Variants in UBE2E1 observed in about 807,000 individuals in gnomAD.
UBE2E1 encodes the protein ubiquitin-conjugating enzyme E2 E1.
UBE2E1 carries 6 observed loss-of-function variants against 21.4 expected under a neutral mutation model. The observed-to-expected ratio is 0.28, with a 90% CI of 0.15 to 0.55. The LOEUF (loss-of-function observed/expected upper bound fraction) is 0.55, where lower values mean the gene tolerates loss of function less well. Among genes scored for constraint, UBE2E1 ranks in the 20% least tolerant of loss-of-function variants. The pLI, the probability that UBE2E1 is intolerant of heterozygous loss-of-function variation, is 0.93. For synonymous variants in UBE2E1, 87 were observed against 82.7 expected (o/e 1.05, Z -0.28); for missense variants, 142 against 236.5 (o/e 0.60, Z 2.62).
chr3:23,838,940 TTTTG>T (rs758573782), intron 3 of UBE2E1, among the ~76,000 whole-genome samples: 5 of 151,982 alleles, frequency 3.3e-5, no homozygotes, highest in Non-Finnish European at 7.4e-5. Context: ...CTATAACTTT[TTTTG>T]TTTGTTTTTT....
At chr3:23,864,943 G>C (rs760988461) in intron 3 of UBE2E1, among the ~76,000 whole-genome samples, 4 of 152,328 alleles carry the variant, frequency 2.6e-5, no homozygotes, top group Non-Finnish European at 2.9e-5. Flanking sequence ...CCATGTTAAT[G>C]ACCACTGGTG....
At chr3:23,862,188 A>G (rs879491681) in intron 3 of UBE2E1, among the ~76,000 whole-genome samples, 1 of 152,100 alleles carries the variant, frequency 6.6e-6, no homozygotes, top group Non-Finnish European at 1.5e-5. Context: ...TTCCCATTTC[A>G]CTGCTGTGAC....
intron 3 of UBE2E1, among the ~76,000 whole-genome samples, chr3:23,862,688 G>A (rs900038793): frequency 6.6e-6 from 1 of 152,078 alleles, no homozygotes; most frequent in Non-Finnish European, 1.5e-5. Context: ...ATGGTTATAG[G>A]TTGTAAGATA....
At chr3:23,857,800 C>T (rs1296072038) in intron 3 of UBE2E1, among the ~76,000 whole-genome samples, 1 of 152,172 alleles carries the variant, frequency 6.6e-6, no homozygotes, top group African/African-American at 2.4e-5. Flanking sequence ...GTCTGAGTGA[C>T]AGAGGTGCCA....
chr3:23,837,965 G>T (rs1219226649), intron 3 of UBE2E1, among the ~76,000 whole-genome samples: 1 of 152,118 alleles, frequency 6.6e-6, no homozygotes, highest in Non-Finnish European at 1.5e-5. Flanking sequence ...TACTTTTAAG[G>T]CTCTGCAAAG....
rs751969832 is a variant in UBE2E1, at chr3:23,807,376, T to C, written c.107T>C (p.Val36Ala). 2 of 1,613,226 alleles carry C rather than the reference T, an allele frequency of 1.2e-6. No individual in the cohort carries two copies. Among genetic ancestry groups the C allele is most frequent in the Admixed American group, 1.7e-5 (1 of 59,918 alleles). ...ACCCCCAAGAAGAAGGAGAGTAAAGTCAGCATGAGCAAAAACTCCAAACTC... is the reference window on the plus strand; with the variant it reads ...ACCCCCAAGAAGAAGGAGAGTAAAGCCAGCATGAGCAAAAACTCCAAACTC... ...TNTPKKKESK[V>A]SMSKNSKLLS... is the part of the protein sequence containing the mutation. Residue 36 changes from valine (V) to alanine (A), a missense_variant, in exon 2 of 6, where the codon GTC becomes GCC. Physicochemically the swap from Val to Ala is moderately conservative, Grantham distance 64. Coordinates refer to ENST00000306627, the MANE Select transcript of UBE2E1 (RefSeq NM_003341.5).
chr3:23,810,486 T>A lies in UBE2E1; in HGVS notation c.153-974T>A, dbSNP rs769767876. On this transcript the variant is annotated intron_variant, in intron 2 of 5. Transcript: ENST00000306627. The surrounding 1 kb of genome is among the most constrained non-coding windows in gnomAD (Gnocchi z 5.8). ...GCTAGAGAGCGGACCATGAAGGAAG[T>A]GGGCAGACCCCGGGAAGTTAGAGGA... 1.3e-6 allele frequency: 2 copies of A among 1,535,342 alleles called. No homozygotes were observed. Among genetic ancestry groups the A allele is most frequent in the South Asian group, 1.2e-5 (1 of 84,050 alleles).
intron 3 of UBE2E1, among the ~76,000 whole-genome samples, chr3:23,829,241 G>A (rs1699817076): frequency 2.0e-5 from 3 of 149,876 alleles, no homozygotes; most frequent in Admixed American, 2.0e-4. Context: ...GCTCACTGCA[G>A]CCTTGAACTC....
intron 3 of UBE2E1, among the ~76,000 whole-genome samples, chr3:23,861,667 C>T (rs539780709): frequency 6.6e-5 from 10 of 152,308 alleles, no homozygotes; most frequent in South Asian, 2.1e-4. Flanking sequence ...GGATGGACGT[C>T]GAGAGGAATG....
rs141205899 is a variant in UBE2E1 at position 23,853,647 on chromosome 3, G to A, written c.204-33920G>A. ...GCATATAGGAGAGTTGGAGGGGAGAGGAGACACTTGTCCCTCTTAACTTGT... is the reference window on the plus strand; with the variant it reads ...GCATATAGGAGAGTTGGAGGGGAGAAGAGACACTTGTCCCTCTTAACTTGT... On this transcript the variant is annotated intron_variant, in intron 3 of 5. Transcript: ENST00000306627. The surrounding 1 kb of genome is among the most constrained non-coding windows in gnomAD (Gnocchi z 4.1). 0.013 allele frequency among the ~76,000 whole-genome samples: 2,023 copies of A among 152,186 alleles called. 22 individuals are homozygous for A. Among genetic ancestry groups the A allele is most frequent in the South Asian group, 0.052 (249 of 4,820 alleles).
chr3:23,822,885 C>T (rs866423385), intron 3 of UBE2E1, among the ~76,000 whole-genome samples: 3 of 120,676 alleles, frequency 2.5e-5, no homozygotes, highest in Non-Finnish European at 4.8e-5. Context: ...CTTGCTCTGT[C>T]GCCCAGGCTG....
intron 3 of UBE2E1, among the ~76,000 whole-genome samples, chr3:23,879,936 A>G (rs1047783629): frequency 6.6e-6 from 1 of 152,240 alleles, no homozygotes; most frequent in Non-Finnish European, 1.5e-5. Flanking sequence ...TTCATTTGAT[A>G]GAAAGATACT....
intron 3 of UBE2E1, among the ~76,000 whole-genome samples, chr3:23,822,677 A>G (rs1699669298): frequency 6.6e-6 from 1 of 152,268 alleles, no homozygotes; most frequent in Non-Finnish European, 1.5e-5. Context: ...TGCTGCTGCC[A>G]TCCTTAAAAA....
intron 3 of UBE2E1, among the ~76,000 whole-genome samples, chr3:23,858,331 G>GT (rs1343326699): frequency 6.6e-6 from 1 of 151,900 alleles, no homozygotes; most frequent in Admixed American, 6.6e-5. Context: ...TTTATTATTT[G>GT]TTTTTTGAGA....
In UBE2E1 at chr3:23,853,812, C is replaced by T. The variant is rs1179867847; in HGVS notation, c.204-33755C>T. ...TTCAGGGATACCACCCAGTGACCAT[C>T]TGTGGTGGTCATATGTTATTTGTTC... On this transcript the variant is annotated intron_variant, in intron 3 of 5. Coordinates refer to ENST00000306627, the MANE Select transcript of UBE2E1 (RefSeq NM_003341.5). This position sits in a 1 kb window ranked among gnomAD's most constrained non-coding sequence, Gnocchi z 4.1. 6.6e-6 allele frequency among the ~76,000 whole-genome samples: 1 copy of T among 152,190 alleles called. No individual in the cohort carries two copies. The highest frequency in any genetic ancestry group is 1.5e-5 in the Non-Finnish European group (1 of 68,038).
At chr3:23,867,880 TA>T (rs1232500960) in intron 3 of UBE2E1, among the ~76,000 whole-genome samples, 1 of 152,218 alleles carries the variant, frequency 6.6e-6, no homozygotes, top group Non-Finnish European at 1.5e-5. Context: ...GCTTTTATCA[TA>T]AGGCCAAAAT....
At chr3:23,847,164 A>G (rs1282441926) in intron 3 of UBE2E1, among the ~76,000 whole-genome samples, 3 of 152,202 alleles carry the variant, frequency 2.0e-5, no homozygotes, top group Non-Finnish European at 4.4e-5. Flanking sequence ...TAATAATTAC[A>G]TCAGGGCAGT....
In UBE2E1 at chr3:23,811,510, G is replaced by C; in HGVS notation, c.203G>C (p.Ser68Thr). Residue 68 changes from serine (S) to threonine (T), a missense_variant and splice_region_variant, in exon 3 of 6, where the codon AGT becomes ACT. Around this residue, in one of 2 missense-constraint regions of UBE2E1, gnomAD observed 87 missense variants for 184.9 expected, o/e 0.47. Coordinates refer to ENST00000306627, the MANE Select transcript of UBE2E1 (RefSeq NM_003341.5). ...DITLDPPPNC[S>T]AGPKGDNIYE... Reference sequence around the variant, plus strand: ...ACTTTAGACCCTCCACCTAATTGCAGGTGAGTTGCTTTTCGGATTTTTTCC... The same window carrying C: ...ACTTTAGACCCTCCACCTAATTGCACGTGAGTTGCTTTTCGGATTTTTTCC... 6.2e-7 allele frequency: 1 copy of C among 1,614,110 alleles called. No homozygotes were observed. The highest frequency in any genetic ancestry group is 2.2e-5 in the East Asian group (1 of 44,890).
chr3:23,809,014 A>T (rs182461627), intron 2 of UBE2E1, among the ~76,000 whole-genome samples: 9 of 152,218 alleles, frequency 5.9e-5, no homozygotes, highest in Non-Finnish European at 1.2e-4. Context: ...AATTACAGAG[A>T]GGGGGATTTT....
Sources: gnomAD v4.1 joint callset for allele counts (sites outside exome capture counted in the v4.1 genomes callset) on GRCh38, gnomAD v4.1.1 for gene constraint, gnomAD v4.1.1 regional missense constraint, Gnocchi (gnomAD v3.1) non-coding constraint, MANE v1.5 for transcripts, NCBI Gene and HGNC (gene_info 2026-07-23, HGNC 2026-07-21) for gene names.